GAREM1: variants seen among roughly 807,000 people sequenced by gnomAD.
GAREM1 encodes the protein GRB2-associated and regulator of MAPK protein 1.
GAREM1 carries 26 observed loss-of-function variants against 71.3 expected under a neutral mutation model. That is an observed-to-expected ratio of 0.36 (90% CI 0.27 to 0.51). The LOEUF (loss-of-function observed/expected upper bound fraction) is 0.51. Among genes scored for constraint, GAREM1 ranks in the 20% least tolerant of loss-of-function variants. The pLI is 0.95. For synonymous variants in GAREM1, 440 were observed against 433.2 expected (o/e 1.02, Z -0.20); for missense variants, 1,026 against 1,103.1 (o/e 0.93, Z 0.99).
At position 32,463,760 on chromosome 18, in the gene GAREM1, A is replaced by G. The variant is rs147171482; in HGVS notation, c.121+6548T>C. Among the ~76,000 whole-genome samples the G allele has an allele frequency of 1.8e-4, 28 of 151,750 alleles. No homozygotes were observed. In the East Asian group the frequency reaches 3.9e-3, roughly 21 times the overall value. ...AATTTTTTGTAGTTTTAGTAGAGAC[A>G]GGGTTTCACCGTGTTAGCCTGGATG... On this transcript the variant is annotated intron_variant, in intron 1 of 5. Coordinates refer to ENST00000269209, the MANE Select transcript of GAREM1 (RefSeq NM_001242409.2).
At chr18:32,449,614 G>T (rs2048815352) in intron 1 of GAREM1, among the ~76,000 whole-genome samples, 1 of 152,188 alleles carries the variant, frequency 6.6e-6, no homozygotes, top group South Asian at 2.1e-4. Flanking sequence ...GCAGTGAGCT[G>T]TGATTGTGCC....
chr18:32,268,334 G>C lies in GAREM1; in HGVS notation c.2168C>G (p.Pro723Arg). The C allele has an allele frequency of 1.9e-6, 3 of 1,614,130 alleles. No individual in the cohort carries two copies. Among genetic ancestry groups the C allele is most frequent in the Non-Finnish European group, 2.5e-6 (3 of 1,180,008 alleles). Residue 723 changes from proline (P) to arginine (R), a missense_variant, in exon 6 of 6, where the codon CCT becomes CGT. Around this residue, in one of 3 missense-constraint regions of GAREM1, gnomAD observed 636 missense variants for 631.2 expected, o/e 1.01. Coordinates refer to ENST00000269209, the MANE Select transcript of GAREM1 (RefSeq NM_001242409.2). ...AGVTKQSTSC[P>R]ALPPRAPKLV... ...TTTTGGAGCCCTGGGGGGTAAGGCA[G>C]GGCATGACGTACTCTGCTTTGTCAC...
intron 2 of GAREM1, among the ~76,000 whole-genome samples, chr18:32,379,266 C>A (rs2048069782): frequency 6.6e-6 from 1 of 152,120 alleles, no homozygotes; most frequent in African/African-American, 2.4e-5. Flanking sequence ...CCTCTTCACT[C>A]ACTGCTCAGC....
At chr18:32,460,332 T>C (rs1055401958) in intron 1 of GAREM1, among the ~76,000 whole-genome samples, 1 of 152,204 alleles carries the variant, frequency 6.6e-6, no homozygotes, top group African/African-American at 2.4e-5. Flanking sequence ...TTCATAACTA[T>C]AAAGAATTCA....
At chr18:32,385,379 C>T (rs2048136220) in intron 2 of GAREM1, among the ~76,000 whole-genome samples, 1 of 151,776 alleles carries the variant, frequency 6.6e-6, no homozygotes, top group Admixed American at 6.6e-5. Flanking sequence ...TGAACATCAC[C>T]CATTTCCTTC....
intron 1 of GAREM1, among the ~76,000 whole-genome samples, chr18:32,408,352 T>C (rs189416160): frequency 1.3e-5 from 2 of 152,326 alleles, no homozygotes; most frequent in Non-Finnish European, 2.9e-5. Context: ...AATTCGTATA[T>C]ATTATATGCT....
chr18:32,447,505 GATAT>G (rs2144285875), intron 1 of GAREM1, among the ~76,000 whole-genome samples: 1 of 152,100 alleles, frequency 6.6e-6, no homozygotes, highest in East Asian at 1.9e-4. Flanking sequence ...TTTAAAAGAA[GATAT>G]ATAGTCATAT....
intron 1 of GAREM1, among the ~76,000 whole-genome samples, chr18:32,407,973 CTTTT>C (rs75877831): frequency 3.2e-4 from 48 of 149,550 alleles, no homozygotes; most frequent in African/African-American, 1.1e-3. Flanking sequence ...AGAGTTTTGT[CTTTT>C]TTTTTTAAAA....
chr18:32,398,116 T>G (rs574230609), intron 1 of GAREM1, among the ~76,000 whole-genome samples: 53 of 152,180 alleles, frequency 3.5e-4, no homozygotes, highest in Middle Eastern at 3.4e-3. Flanking sequence ...TTGAAACCAA[T>G]GAGAACAAAG....
intron 4 of GAREM1, among the ~76,000 whole-genome samples, chr18:32,278,008 G>C (rs2041564666): frequency 6.6e-6 from 1 of 152,062 alleles, no homozygotes; most frequent in African/African-American, 2.4e-5. Context: ...CTAAGACTGG[G>C]GGCTTTTTGG....
intron 3 of GAREM1, among the ~76,000 whole-genome samples, chr18:32,297,235 AGATAC>A (rs1243416308): frequency 1.3e-5 from 2 of 152,240 alleles, no homozygotes; most frequent in African/African-American, 2.4e-5. Context: ...GGAAACTGAC[AGATAC>A]AATACTATCA....
At chr18:32,318,905 A>C (rs2047405406) in intron 2 of GAREM1, among the ~76,000 whole-genome samples, 1 of 152,212 alleles carries the variant, frequency 6.6e-6, no homozygotes, top group Non-Finnish European at 1.5e-5. Flanking sequence ...AAGCAAGAGC[A>C]ACAGAAATGG....
At chr18:32,357,678 TATCCTTTATAAACTTTC>T (rs1254751268) in intron 2 of GAREM1, among the ~76,000 whole-genome samples, 5 of 152,248 alleles carry the variant, frequency 3.3e-5, no homozygotes, top group African/African-American at 1.2e-4. Context: ...AAAACTGTTT[TATCCTTTATAAACTTTC>T]ATCCTTTATA....
At chr18:32,333,374 A>T (rs2144560778) in intron 2 of GAREM1, among the ~76,000 whole-genome samples, 1 of 152,274 alleles carries the variant, frequency 6.6e-6, no homozygotes, top group South Asian at 2.1e-4. Context: ...GAGGAGTCCC[A>T]AGGAGAGTTC....
Position 32,266,692 on chromosome 18 carries a change from G to A in GAREM1, c.*1179C>T, listed in dbSNP as rs115189793. 1 of 152,246 alleles carries A rather than the reference G, an allele frequency of 6.6e-6. No homozygotes were observed. The highest frequency in any genetic ancestry group is 2.4e-5 in the African/African-American group (1 of 41,540). The allele number at this position is 152,246 out of a possible 1,614,324, so 9.4% of individuals were successfully genotyped here. On this transcript the variant is annotated 3_prime_UTR_variant, in exon 6 of 6. Coordinates refer to ENST00000269209, the MANE Select transcript of GAREM1 (RefSeq NM_001242409.2). The stretch of plus-strand genomic sequence containing the variant: ...ATTTTAAAAATACTCAACAGATGTA[G>A]CATATATAATAATAAAGGCCGGTGC...
rs552303711 is a variant in GAREM1 at position 32,305,812 on chromosome 18, A to ACCCAGCC, written c.393+4374_393+4380dup. ...TGGGATTACATGCATGAGCCACTGC[A>ACCCAGCC]CCCAGCCCCCAGTGAGGATTCCATG... is the stretch of plus-strand genomic sequence containing the variant. On this transcript the variant is annotated intron_variant, in intron 3 of 5. Transcript: ENST00000269209. Among the ~76,000 whole-genome samples the ACCCAGCC allele has an allele frequency of 1.9e-4, 29 of 152,090 alleles. No homozygotes were observed. The East Asian group carries it at 2.5e-3, about 13-fold the overall frequency.
chr18:32,470,341 A>G lies in GAREM1; in HGVS notation c.88T>C (p.Tyr30His), dbSNP rs1478843297. The change falls in exon 1 of 6, where the codon TAC (tyrosine) becomes CAC (histidine). Residue 30 changes from tyrosine (Y) to histidine (H), a missense_variant. Tyr to His is a moderately conservative substitution (Grantham distance 83). Transcript: ENST00000269209. The surrounding 1 kb of genome is among the most constrained non-coding windows in gnomAD (Gnocchi z 4.4). Reference protein sequence around the residue: ...AVPLDLLVSTYRLPQIARLDN... With the variant: ...AVPLDLLVSTHRLPQIARLDN... ...AGGCGCGCGATCTGGGGCAGCCGGT[A>G]AGTGCTGACCAGGAGGTCGAGCGGC... 2.6e-6 allele frequency: 4 copies of G among 1,567,738 alleles called. No homozygotes were observed. In the Admixed American group the frequency reaches 7.2e-5, roughly 28 times the overall value.
At position 32,404,500 on chromosome 18, in the gene GAREM1, T is replaced by C. The variant is rs76042189; in HGVS notation, c.122-11465A>G. On this transcript the variant is annotated intron_variant, in intron 1 of 5. Transcript: ENST00000269209. The stretch of plus-strand genomic sequence containing the variant: ...AGAACAAAGAAAAGGCAAGTATATA[T>C]GTGATTTTAGTTAATTCTATAAGTT... Among the ~76,000 whole-genome samples the C allele has an allele frequency of 6.6e-3, 1,009 of 152,152 alleles. 10 individuals carry two copies. Among genetic ancestry groups the C allele is most frequent in the Non-Finnish European group, 0.01 (707 of 68,008 alleles).
chr18:32,456,577 A>G (rs1445353178), intron 1 of GAREM1, among the ~76,000 whole-genome samples: 1 of 152,168 alleles, frequency 6.6e-6, no homozygotes, highest in Non-Finnish European at 1.5e-5. Flanking sequence ...ACTGGGATGC[A>G]ACGCAATCAC....
Sources: gnomAD v4.1 joint callset for allele counts (sites outside exome capture counted in the v4.1 genomes callset) on GRCh38, gnomAD v4.1.1 for gene constraint, gnomAD v4.1.1 regional missense constraint, Gnocchi (gnomAD v3.1) non-coding constraint, MANE v1.5 for transcripts, NCBI Gene and HGNC (gene_info 2026-07-23, HGNC 2026-07-21) for gene names.